CNTNAP2: variants seen among roughly 807,000 people sequenced by gnomAD.
CNTNAP2 encodes contactin-associated protein-like 2.
A neutral mutation model predicts 155.2 loss-of-function variants in CNTNAP2; 98 were observed. The observed-to-expected ratio is 0.63, with a 90% CI of 0.54 to 0.75. CNTNAP2 has a LOEUF of 0.75. CNTNAP2 is among the 30% of genes least tolerant of loss of function. The pLI is 0.00. For missense variants in CNTNAP2, 1,727 were observed against 1,688.1 expected (o/e 1.02, Z -0.40); for synonymous variants, 651 against 631.2 (o/e 1.03, Z -0.47).
chr7:148,118,099 T>C lies in CNTNAP2; in HGVS notation c.2384-19T>C. On this transcript the variant is annotated intron_variant, in intron 15 of 23. Coordinates refer to ENST00000361727, the MANE Select transcript of CNTNAP2 (RefSeq NM_014141.6). The stretch of plus-strand genomic sequence containing the variant: ...ATCAGGGTGTGAGTTAACCTGATTT[T>C]TTTGTTTTCTTCCCACAGGGAATTA... 6.2e-7 allele frequency: 1 copy of C among 1,613,770 alleles called. No homozygotes were observed. Among genetic ancestry groups the C allele is most frequent in the African/African-American group, 1.3e-5 (1 of 75,030 alleles).
At chr7:147,043,277 A>G (rs996500409) in intron 3 of CNTNAP2, among the ~76,000 whole-genome samples, 3 of 152,072 alleles carry the variant, frequency 2.0e-5, no homozygotes, top group Non-Finnish European at 2.9e-5. Flanking sequence ...TAAAAAATAA[A>G]ATTAAAAAAA....
intron 18 of CNTNAP2, among the ~76,000 whole-genome samples, chr7:148,184,135 A>G (rs1795080840): frequency 6.6e-6 from 1 of 152,174 alleles, no homozygotes; most frequent in Non-Finnish European, 1.5e-5. Context: ...AAGATAGATC[A>G]ACAAATTGAT....
chr7:147,034,040 C>T (rs956844813), intron 3 of CNTNAP2, among the ~76,000 whole-genome samples: 1 of 152,048 alleles, frequency 6.6e-6, no homozygotes, highest in African/African-American at 2.4e-5. Context: ...ATAGCTACTC[C>T]TTAATTATAT....
At chr7:148,075,365 A>C (rs1169816248) in intron 15 of CNTNAP2, among the ~76,000 whole-genome samples, 1 of 152,128 alleles carries the variant, frequency 6.6e-6, no homozygotes. Flanking sequence ...TGAACCCGGG[A>C]GACAGAGATT....
chr7:146,724,750 T>G (rs1801401369), intron 1 of CNTNAP2, among the ~76,000 whole-genome samples: 1 of 151,880 alleles, frequency 6.6e-6, no homozygotes, highest in African/African-American at 2.4e-5. Flanking sequence ...TTTGTATTTT[T>G]AGTAGCGACA....
At chr7:147,609,375 C>T (rs1470009601) in intron 12 of CNTNAP2, among the ~76,000 whole-genome samples, 1 of 151,972 alleles carries the variant, frequency 6.6e-6, no homozygotes, top group Non-Finnish European at 1.5e-5. Flanking sequence ...ACTAAAAATA[C>T]AAAAAATTAG....
In CNTNAP2 at chr7:147,597,038, A is replaced by G. The variant is rs144188075; in HGVS notation, c.1897+34781A>G. Among the ~76,000 whole-genome samples the G allele has an allele frequency of 3.6e-3, 555 of 152,358 alleles. 6 individuals are homozygous for G. Among genetic ancestry groups the G allele is most frequent in the African/African-American group, 0.013 (529 of 41,580 alleles). ...CCCCTTTCCCAGAAAACTCATGAAT[A>G]GTCTACCCCTTGTTTAGCATATAAT... On this transcript the variant is annotated intron_variant, in intron 12 of 23. Transcript: ENST00000361727.
intron 3 of CNTNAP2, among the ~76,000 whole-genome samples, chr7:146,910,033 A>G (rs377219694): frequency 0.073 from 5,585 of 76,560 alleles, 189 homozygotes; most frequent in Middle Eastern, 0.17. Context: ...GAGCCAAATC[A>G]TGAGTGAACT....
chr7:148,363,174 G>T (rs926191882), intron 21 of CNTNAP2, among the ~76,000 whole-genome samples: 3 of 152,108 alleles, frequency 2.0e-5, no homozygotes, highest in Admixed American at 6.6e-5. Context: ...GTAGAGACGG[G>T]GTTTCTCCAT....
In CNTNAP2 at chr7:146,668,330, G is replaced by A. The variant is rs954205245; in HGVS notation, c.98-105941G>A. 2.6e-5 allele frequency among the ~76,000 whole-genome samples: 4 copies of A among 151,806 alleles called. 1 individual carries two copies. Among genetic ancestry groups the A allele is most frequent in the Admixed American group, 2.0e-4 (3 of 15,216 alleles). ...CCTGGCATAAATGCCACTTGATTAT[G>A]TTGTATTATCTTTGTGATCTGTGCT... On this transcript the variant is annotated intron_variant, in intron 1 of 23. Coordinates refer to ENST00000361727, the MANE Select transcript of CNTNAP2 (RefSeq NM_014141.6).
At chr7:147,590,198 CTTTT>C (rs1360258610) in intron 12 of CNTNAP2, among the ~76,000 whole-genome samples, 2 of 152,092 alleles carry the variant, frequency 1.3e-5, no homozygotes, top group African/African-American at 4.8e-5. Flanking sequence ...ATCCTATCTT[CTTTT>C]ATTTATTTTT....
chr7:147,558,775 C>T (rs1048416717), intron 11 of CNTNAP2, among the ~76,000 whole-genome samples: 2 of 151,268 alleles, frequency 1.3e-5, no homozygotes, highest in African/African-American at 2.4e-5. Context: ...TGGAGTCTTA[C>T]TCTGTCACCC....
intron 1 of CNTNAP2, among the ~76,000 whole-genome samples, chr7:146,718,868 G>A (rs140770372): frequency 6.6e-6 from 1 of 152,206 alleles, no homozygotes; most frequent in East Asian, 1.9e-4. Context: ...TCCTCTTCGT[G>A]TTCCTAATAT....
chr7:147,572,123 C>T (rs960046342), intron 12 of CNTNAP2, among the ~76,000 whole-genome samples: 3 of 152,196 alleles, frequency 2.0e-5, no homozygotes, highest in Admixed American at 2.0e-4. Context: ...TCAAACACAG[C>T]CTGTAAAGAA....
At chr7:148,243,200 C>G (rs1370865388) in intron 20 of CNTNAP2, among the ~76,000 whole-genome samples, 1 of 152,232 alleles carries the variant, frequency 6.6e-6, no homozygotes, top group Non-Finnish European at 1.5e-5. Context: ...CTCCACCGAT[C>G]TGACTCCTGG....
At chr7:146,531,702 G>A (rs796499786) in intron 1 of CNTNAP2, among the ~76,000 whole-genome samples, 6 of 151,886 alleles carry the variant, frequency 4.0e-5, no homozygotes, top group African/African-American at 1.4e-4. Flanking sequence ...ACACCCCCAC[G>A]CCCAGCTAAT....
In CNTNAP2 at chr7:147,903,549, T is replaced by C. The variant is rs778616134; in HGVS notation, c.2099-16T>C. ...CCCAGGTCTGTTTCTAAATATACCT[T>C]TGCCTTTTCTTGTAGATGGAAGCCC... On this transcript the variant is annotated splice_polypyrimidine_tract_variant and intron_variant, in intron 13 of 23. Coordinates refer to ENST00000361727, the MANE Select transcript of CNTNAP2 (RefSeq NM_014141.6). The C allele has an allele frequency of 1.2e-6, 2 of 1,614,154 alleles. No individual in the cohort carries two copies. Among genetic ancestry groups the C allele is most frequent in the Admixed American group, 1.7e-5 (1 of 60,022 alleles).
At chr7:146,858,064 T>C (rs1040822656) in intron 3 of CNTNAP2, among the ~76,000 whole-genome samples, 1 of 152,102 alleles carries the variant, frequency 6.6e-6, no homozygotes, top group Non-Finnish European at 1.5e-5. Flanking sequence ...TTTCAAAACA[T>C]ATGTAGGAAA....
At chr7:147,886,691 C>T (rs1392706283) in intron 13 of CNTNAP2, among the ~76,000 whole-genome samples, 1 of 152,008 alleles carries the variant, frequency 6.6e-6, no homozygotes, top group Non-Finnish European at 1.5e-5. Context: ...TGAGGCACTA[C>T]ATATCAGTGG....
Sources: allele counts gnomAD v4.1 joint callset (sites outside exome capture counted in the v4.1 genomes callset), GRCh38; gene constraint gnomAD v4.1.1; transcripts MANE v1.5; gene names NCBI Gene and HGNC (gene_info 2026-07-23, HGNC 2026-07-21).